TMC1: variants seen among roughly 807,000 people sequenced by gnomAD.
The protein encoded by TMC1 is transmembrane channel like 1.
TMC1 carries 84 observed loss-of-function variants against 105.8 expected under a neutral mutation model. That is an observed-to-expected ratio of 0.79 (90% CI 0.67 to 0.95). TMC1 has a LOEUF of 0.95. Among genes scored for constraint, TMC1 ranks in the 40% least tolerant of loss-of-function variants. The probability of loss-of-function intolerance (pLI) is 0.00; values close to 1 mark genes in which losing one functional copy is unlikely to be tolerated. For synonymous variants in TMC1, 315 were observed against 311.5 expected, an observed-to-expected ratio of 1.01 and a Z score of -0.12; for missense variants, 817 against 914.1, an observed-to-expected ratio of 0.89 and a Z score of 1.37.
rs912940031 is a variant in TMC1 at position 72,601,207 on chromosome 9, C to G, written c.-305-15161C>G. On this transcript the variant is annotated intron_variant, in intron 2 of 23. Transcript: ENST00000297784. ...ACACACACACACAGACACACACACA[C>G]ACACACACACACAAATTGCCAGGCA... 1.3e-5 allele frequency among the ~76,000 whole-genome samples: 2 copies of G among 148,782 alleles called. 1 individual carries two copies. The highest frequency in any genetic ancestry group is 4.2e-4 in the South Asian group (2 of 4,758).
At chr9:72,799,614 A>C (rs1588089212) in intron 17 of TMC1, among the ~76,000 whole-genome samples, 1 of 152,138 alleles carries the variant, frequency 6.6e-6, no homozygotes, top group East Asian at 1.9e-4. Flanking sequence ...ATATGCTATT[A>C]ATTTGATTTT....
At chr9:72,766,079 T>C (rs763993609) in intron 12 of TMC1, among the ~76,000 whole-genome samples, 6 of 152,146 alleles carry the variant, frequency 3.9e-5, no homozygotes, top group Non-Finnish European at 7.4e-5. Flanking sequence ...AATACCTAGC[T>C]ACCAGGCTTG....
intron 8 of TMC1, among the ~76,000 whole-genome samples, chr9:72,704,116 C>T (rs887933366): frequency 6.6e-6 from 1 of 152,098 alleles, no homozygotes; most frequent in African/African-American, 2.4e-5. Context: ...TTCCCTCTAC[C>T]CTTTATTTCT....
chr9:72,774,148 G>A (rs1827972535), intron 13 of TMC1, among the ~76,000 whole-genome samples: 1 of 152,138 alleles, frequency 6.6e-6, no homozygotes, highest in South Asian at 2.1e-4. Flanking sequence ...AAACAAGGCA[G>A]TCATGTATGG....
chr9:72,548,943 A>G (rs1174416567), intron 1 of TMC1, among the ~76,000 whole-genome samples: 1 of 152,234 alleles, frequency 6.6e-6, no homozygotes, highest in Non-Finnish European at 1.5e-5. Context: ...CTCATGAGAG[A>G]AGAAACTACA....
At chr9:72,540,246 GT>G (rs1489989439) in intron 1 of TMC1, among the ~76,000 whole-genome samples, 2 of 152,162 alleles carry the variant, frequency 1.3e-5, no homozygotes, top group African/African-American at 4.8e-5. Context: ...GTTTCTTGTT[GT>G]TTTCTAATAT....
At chr9:72,625,117 C>T (rs1825322908) in intron 3 of TMC1, among the ~76,000 whole-genome samples, 1 of 152,158 alleles carries the variant, frequency 6.6e-6, no homozygotes, top group Non-Finnish European at 1.5e-5. Flanking sequence ...GCCTTTGTGA[C>T]AGATCTGATG....
At chr9:72,548,403 C>T (rs1046501674) in intron 1 of TMC1, among the ~76,000 whole-genome samples, 5 of 151,986 alleles carry the variant, frequency 3.3e-5, no homozygotes, top group African/African-American at 1.2e-4. Context: ...AAAATTCCAT[C>T]TCTACTAAAA....
intron 1 of TMC1, among the ~76,000 whole-genome samples, chr9:72,547,585 C>T (rs1823793505): frequency 6.6e-6 from 1 of 152,072 alleles, no homozygotes; most frequent in Non-Finnish European, 1.5e-5. Context: ...GAGTGTTTAT[C>T]CTAGAAATAG....
Position 72,825,712 on chromosome 9 carries a change from C to T in TMC1, c.2004-1157C>T, listed in dbSNP as rs1315113260. On this transcript the variant is annotated intron_variant, in intron 20 of 23. Transcript: ENST00000297784. ...CCTGTATTCCATCTGGCTGGGGCTGCATTGGGGGGTATGAACAATTTGGAA... is the reference window on the plus strand; with the variant it reads ...CCTGTATTCCATCTGGCTGGGGCTGTATTGGGGGGTATGAACAATTTGGAA... Among the ~76,000 whole-genome samples the T allele has an allele frequency of 2.0e-5, 3 of 152,118 alleles. No individual in the cohort carries two copies. In the East Asian group the frequency reaches 5.8e-4, roughly 29 times the overall value.
intron 5 of TMC1, among the ~76,000 whole-genome samples, chr9:72,654,387 T>A (rs1330470679): frequency 6.6e-6 from 1 of 152,250 alleles, no homozygotes; most frequent in Non-Finnish European, 1.5e-5. Context: ...TGCTTTTATA[T>A]CTTCTTTTGT....
chr9:72,770,299 TAA>T (rs1491275217), intron 12 of TMC1, among the ~76,000 whole-genome samples: 2 of 148,534 alleles, frequency 1.3e-5, no homozygotes, highest in African/African-American at 4.9e-5. Flanking sequence ...TATATATATA[TAA>T]AATTTATTAT....
At chr9:72,578,751 A>G (rs1824428913) in intron 2 of TMC1, among the ~76,000 whole-genome samples, 1 of 152,210 alleles carries the variant, frequency 6.6e-6, no homozygotes, top group South Asian at 2.1e-4. Context: ...GAGTTATAAT[A>G]CATGTCATTT....
At chr9:72,611,854 T>TCA (rs980221822) in intron 2 of TMC1, among the ~76,000 whole-genome samples, 8 of 145,438 alleles carry the variant, frequency 5.5e-5, no homozygotes, top group African/African-American at 2.0e-4. Flanking sequence ...CTGTTAAACA[T>TCA]CACAGCACAT....
chr9:72,623,503 G>A (rs928326901), intron 3 of TMC1, among the ~76,000 whole-genome samples: 5 of 152,054 alleles, frequency 3.3e-5, no homozygotes, highest in African/African-American at 1.2e-4. Context: ...TGGTAGAAAT[G>A]TCACTCTACT....
rs71357591 is a variant in TMC1 at position 72,584,784 on chromosome 9, C to CTTTTTT, written c.-306+6774_-306+6779dup. Among the ~76,000 whole-genome samples, 135 of 112,964 alleles carry CTTTTTT rather than the reference C, an allele frequency of 1.2e-3. 6 individuals carry two copies. The highest frequency in any genetic ancestry group is 2.4e-3 in the African/African-American group (69 of 28,396). 74.1% of individuals were successfully genotyped at this position (112,964 alleles called of 152,430 possible). On this transcript the variant is annotated intron_variant, in intron 2 of 23. Transcript: ENST00000297784. ...GTAGTTCTCCTTTTTCTTTTCTTTT[C>CTTTTTT]TTTTTTTTTTTTTTTTTTGAGACAG...
At chr9:72,628,653 A>G (rs1301102353) in intron 4 of TMC1, among the ~76,000 whole-genome samples, 2 of 152,246 alleles carry the variant, frequency 1.3e-5, no homozygotes, top group African/African-American at 4.8e-5. Context: ...TTCTTCTGCC[A>G]TCAGGGATTG....
chr9:72,810,914 C>G (rs958883659), intron 18 of TMC1, among the ~76,000 whole-genome samples: 1 of 152,076 alleles, frequency 6.6e-6, no homozygotes, highest in African/African-American at 2.4e-5. Flanking sequence ...TGATAAATTT[C>G]TCTGAGTTGA....
intron 8 of TMC1, among the ~76,000 whole-genome samples, chr9:72,721,903 A>G (rs911515532): frequency 6.6e-6 from 1 of 152,178 alleles, no homozygotes; most frequent in Non-Finnish European, 1.5e-5. Flanking sequence ...CCCATGTTCA[A>G]ACCCTTCAAT....
Sources: gnomAD v4.1 joint callset for allele counts (sites outside exome capture counted in the v4.1 genomes callset) on GRCh38, gnomAD v4.1.1 for gene constraint, MANE v1.5 for transcripts, NCBI Gene and HGNC (gene_info 2026-07-23, HGNC 2026-07-21) for gene names.